IRF2: variants seen among roughly 807,000 people sequenced by gnomAD.
IRF2 encodes interferon regulatory factor 2.
IRF2 carries 15 observed loss-of-function variants against 40.6 expected under a neutral mutation model. The ratio of observed to expected loss-of-function variants is 0.37; its 90% CI spans 0.25 to 0.57. The LOEUF is 0.57. Among genes scored for constraint, IRF2 ranks in the 20% least tolerant of loss-of-function variants. The pLI is 0.77. For synonymous variants in IRF2, 151 were observed against 165.5 expected, an observed-to-expected ratio of 0.91 and a Z score of 0.67; for missense variants, 317 against 455.7, an observed-to-expected ratio of 0.70 and a Z score of 2.77.
At chr4:184,429,640 G>A (rs1230334830) in intron 1 of IRF2, among the ~76,000 whole-genome samples, 1 of 152,140 alleles carries the variant, frequency 6.6e-6, no homozygotes. Flanking sequence ...TACTTCCAGA[G>A]CCCCTGGAAG....
intron 3 of IRF2, 135 bp from the exon 4 acceptor site, chr4:184,418,843 A>G: frequency 2.8e-6 from 2 of 713,538 alleles, no homozygotes; most frequent in Non-Finnish European, 4.6e-6. Flanking sequence ...CCAGTGACCA[A>G]TCGTCCTGGT....
chr4:184,419,838 G>A (rs559789383), intron 2 of IRF2, among the ~76,000 whole-genome samples: 9 of 152,296 alleles, frequency 5.9e-5, no homozygotes, highest in African/African-American at 1.9e-4. Context: ...TTGACCTTGT[G>A]TGTTCCATTA....
intron 2 of IRF2, among the ~76,000 whole-genome samples, chr4:184,424,875 G>A (rs1737612545): frequency 6.6e-6 from 1 of 152,220 alleles, no homozygotes. Flanking sequence ...TGCCAAGCCA[G>A]TGTCCATAAA....
At chr4:184,433,599 T>C (rs1737969701) in intron 1 of IRF2, among the ~76,000 whole-genome samples, 1 of 152,212 alleles carries the variant, frequency 6.6e-6, no homozygotes, top group South Asian at 2.1e-4. Flanking sequence ...AAGTATTTCA[T>C]CAGAGTAAAA....
At chr4:184,440,220 C>A (rs1383486436) in intron 1 of IRF2, among the ~76,000 whole-genome samples, 1 of 152,204 alleles carries the variant, frequency 6.6e-6, no homozygotes, top group Non-Finnish European at 1.5e-5. Context: ...GTCAGACCAT[C>A]CCCATTACCC....
rs770622715 is a variant in IRF2, at chr4:184,388,774, C to T, written c.1034G>A (p.Arg345His). ...GTCAGAGGCTTAACAGCTCTTGACG[C>T]GGGCCTGGGTGATATCCGATGTTTT... Reference protein sequence around the residue: ...IKKTSDITQARVKSC With the variant: ...IKKTSDITQAHVKSC The change falls in exon 9 of 9, where the codon CGC (arginine) becomes CAC (histidine). Residue 345 changes from arginine to histidine, a missense_variant. Arg to His is a conservative substitution (Grantham distance 29). Around this residue, in one of 2 missense-constraint regions of IRF2, gnomAD observed 262 missense variants for 334.0 expected, o/e 0.78. Transcript: ENST00000393593. The surrounding 1 kb of genome is among the most constrained non-coding windows in gnomAD (Gnocchi z 4.6). The T allele has an allele frequency of 1.1e-5, 17 of 1,611,048 alleles. No individual in the cohort carries two copies. Among genetic ancestry groups the T allele is most frequent in the South Asian group, 3.3e-5 (3 of 90,754 alleles).
chr4:184,433,870 C>G (rs1288622262), intron 1 of IRF2, among the ~76,000 whole-genome samples: 1 of 152,216 alleles, frequency 6.6e-6, no homozygotes, highest in Non-Finnish European at 1.5e-5. Flanking sequence ...TCACGACTAG[C>G]CGAGGGTGAG....
intron 2 of IRF2, among the ~76,000 whole-genome samples, chr4:184,422,487 T>C (rs1737518182): frequency 6.6e-6 from 1 of 152,186 alleles, no homozygotes; most frequent in Admixed American, 6.5e-5. Flanking sequence ...TAAACGTTCA[T>C]AGCAGCACTA....
chr4:184,404,794 A>G (rs1234598405), intron 6 of IRF2, among the ~76,000 whole-genome samples: 1 of 152,166 alleles, frequency 6.6e-6, no homozygotes, highest in East Asian at 1.9e-4. Flanking sequence ...TGCCTGGGCC[A>G]GGCTGTCCCT....
intron 1 of IRF2, among the ~76,000 whole-genome samples, chr4:184,440,857 T>C (rs910629844): frequency 3.9e-5 from 6 of 152,098 alleles, no homozygotes; most frequent in African/African-American, 7.2e-5. Context: ...TGTGGGATGT[T>C]TGAGGAGAGA....
At chr4:184,436,740 G>A (rs1738093808) in intron 1 of IRF2, among the ~76,000 whole-genome samples, 1 of 152,222 alleles carries the variant, frequency 6.6e-6, no homozygotes, top group South Asian at 2.1e-4. Context: ...GTTTGCTGAT[G>A]TGAGCAGAGC....
chr4:184,446,848 G>A (rs145576530), intron 1 of IRF2, among the ~76,000 whole-genome samples: 4,893 of 152,042 alleles, frequency 0.032, 262 homozygotes, highest in African/African-American at 0.11. Context: ...CCAGCTACTC[G>A]GGAGGCTGAG....
At chr4:184,410,074 C>T (rs1302685084) in intron 5 of IRF2, among the ~76,000 whole-genome samples, 11 of 152,118 alleles carry the variant, frequency 7.2e-5, no homozygotes, top group Admixed American at 7.2e-4. Context: ...CCCATTAGTT[C>T]CTGTGGTCTC....
chr4:184,454,175 G>A (rs1338517433), intron 1 of IRF2, among the ~76,000 whole-genome samples: 1 of 152,114 alleles, frequency 6.6e-6, no homozygotes, highest in African/African-American at 2.4e-5. Context: ...CCACAGGCTG[G>A]CCCTCAGGAT....
chr4:184,405,295 G>C (rs1579809737), intron 6 of IRF2, among the ~76,000 whole-genome samples: 1 of 152,150 alleles, frequency 6.6e-6, no homozygotes, highest in East Asian at 1.9e-4. Context: ...AGTGTCTCAA[G>C]GGTCAATGAT....
chr4:184,463,405 A>G (rs1394428404), intron 1 of IRF2, among the ~76,000 whole-genome samples: 3 of 152,226 alleles, frequency 2.0e-5, no homozygotes, highest in Non-Finnish European at 4.4e-5. Flanking sequence ...GGCTGAATTA[A>G]GACGTGCTAT....
chr4:184,392,448 G>A (rs1013020420), intron 7 of IRF2, among the ~76,000 whole-genome samples: 1 of 152,252 alleles, frequency 6.6e-6, no homozygotes, highest in South Asian at 2.1e-4. Flanking sequence ...TGCCATGTCA[G>A]AGGCTTTGCA....
Position 184,408,787 on chromosome 4 carries a change from C to T in IRF2, c.412-512G>A, listed in dbSNP as rs1736962268. Among the ~76,000 whole-genome samples the T allele has an allele frequency of 6.6e-6, 1 of 152,186 alleles. No homozygotes were observed. Among genetic ancestry groups the T allele is most frequent in the Admixed American group, 6.5e-5 (1 of 15,286 alleles). On this transcript the variant is annotated intron_variant, in intron 5 of 8. Coordinates refer to ENST00000393593, the MANE Select transcript of IRF2 (RefSeq NM_002199.4). The surrounding 1 kb of genome is among the most constrained non-coding windows in gnomAD (Gnocchi z 4.9). ...ATGAATTCTCTGCAGATAAGTTTTG[C>T]CATGGCCTCTGGCCACCTGAGGCCC...
chr4:184,461,915 TC>T (rs1739162431), intron 1 of IRF2, among the ~76,000 whole-genome samples: 1 of 152,126 alleles, frequency 6.6e-6, no homozygotes, highest in Admixed American at 6.5e-5. Context: ...TTCCCAAGTT[TC>T]CACCCGCCTA....
Sources: allele counts gnomAD v4.1 joint callset (sites outside exome capture counted in the v4.1 genomes callset), GRCh38; gene constraint gnomAD v4.1.1; regional missense constraint gnomAD v4.1.1; non-coding constraint Gnocchi (gnomAD v3.1); transcripts MANE v1.5; gene names NCBI Gene and HGNC (gene_info 2026-07-23, HGNC 2026-07-21).